Variants in LARP1 observed in about 807,000 individuals in gnomAD.
LARP1 encodes the protein La ribonucleoprotein 1, translational regulator, also known as la-related protein 1.
LARP1 carries 36 observed loss-of-function variants against 122.7 expected under a neutral mutation model. That is an observed-to-expected ratio of 0.29 (90% CI 0.22 to 0.39). The LOEUF (loss-of-function observed/expected upper bound fraction) is 0.39. Among genes scored for constraint, LARP1 ranks in the 10% least tolerant of loss-of-function variants. The pLI, the probability that LARP1 is intolerant of heterozygous loss-of-function variation, is 1.00. For synonymous variants in LARP1, 539 were observed against 528.7 expected, an observed-to-expected ratio of 1.02 and a Z score of -0.27; for missense variants, 1,040 against 1,403.6, an observed-to-expected ratio of 0.74 and a Z score of 4.14.
At chr5:154,813,689 C>T (rs1012664310) in intron 18 of LARP1, among the ~76,000 whole-genome samples, 198 bp from the exon 19 acceptor site, 5 of 152,162 alleles carry the variant, frequency 3.3e-5, no homozygotes, top group African/African-American at 9.7e-5. Flanking sequence ...GTGATGCTGA[C>T]CCCATGAGAG....
At chr5:154,757,883 C>G (rs1357024917) in intron 1 of LARP1, among the ~76,000 whole-genome samples, 1 of 99,436 alleles carries the variant, frequency 1.0e-5, no homozygotes, top group Non-Finnish European at 2.0e-5. Flanking sequence ...CTCCCCTTCC[C>G]CCTTCCTCCC....
intron 14 of LARP1, chr5:154,804,636 C>G (rs1192804329): frequency 1.0e-5 from 4 of 393,784 alleles, no homozygotes; most frequent in Admixed American, 7.1e-5. Context: ...TTCTGGCAGT[C>G]TCTCTGAGCC....
chr5:154,769,500 GA>G (rs759516055), intron 1 of LARP1, among the ~76,000 whole-genome samples: 16 of 152,214 alleles, frequency 1.1e-4, no homozygotes, highest in Admixed American at 3.3e-4. Context: ...CTTAGGGTAG[GA>G]GTTGCACTCA....
rs949086499 is a variant in LARP1 at position 154,803,182 on chromosome 5, C to T, written c.2110-108C>T. On this transcript the variant is annotated intron_variant, in intron 11 of 18. Coordinates refer to ENST00000518297, the MANE Select transcript of LARP1 (RefSeq NM_033551.3). This position sits in a 1 kb window ranked among gnomAD's most constrained non-coding sequence, Gnocchi z 4.4. ...CTGGGGACCAGAATTCCACGTATGT[C>T]GACGTGGGAGCTGCCCTCTCCAACT... The T allele has an allele frequency of 7.8e-6, 11 of 1,415,076 alleles. No homozygotes were observed. Among genetic ancestry groups the T allele is most frequent in the Admixed American group, 5.3e-5 (3 of 56,592 alleles). The allele number at this position is 1,415,076 out of a possible 1,614,324, so 87.7% of individuals were successfully genotyped here.
chr5:154,783,621 T>C (rs993531961), intron 1 of LARP1, among the ~76,000 whole-genome samples: 1 of 152,196 alleles, frequency 6.6e-6, no homozygotes, highest in Admixed American at 6.5e-5. Context: ...CTGGCTGTTA[T>C]CTTGGCAAAT....
upstream of LARP1, among the ~76,000 whole-genome samples, chr5:154,707,858 T>C (rs149964646): frequency 1.1e-3 from 174 of 152,284 alleles, no homozygotes; most frequent in Non-Finnish European, 2.1e-3. Flanking sequence ...CACAAGGATA[T>C]GCTGTTGGAA....
chr5:154,795,933 T>C (rs1379825022), intron 8 of LARP1, among the ~76,000 whole-genome samples: 1 of 120,868 alleles, frequency 8.3e-6, no homozygotes, highest in East Asian at 2.0e-4. Context: ...TATATTTATA[T>C]ATTATATATT....
At chr5:154,790,031 G>A (rs776671293) in intron 1 of LARP1, among the ~76,000 whole-genome samples, 3 of 152,196 alleles carry the variant, frequency 2.0e-5, no homozygotes, top group Non-Finnish European at 2.9e-5. Flanking sequence ...TCTCTGTTAC[G>A]GAACTGTACT....
At chr5:154,712,907 C>T in exon 1 of LARP1, 1 of 1,611,212 alleles carries the variant, frequency 6.2e-7, no homozygotes, top group Non-Finnish European at 8.5e-7. Flanking sequence ...ACATAGTGAC[C>T]CCAGGCCCTG....
chr5:154,756,471 C>T (rs1753917599), intron 1 of LARP1: 1 of 985,796 alleles, frequency 1.0e-6, no homozygotes. Context: ...CCTACCTCGT[C>T]GGCAGAGGGT....
At chr5:154,789,371 C>G (rs1455256716) in intron 1 of LARP1, among the ~76,000 whole-genome samples, 1 of 151,788 alleles carries the variant, frequency 6.6e-6, no homozygotes, top group South Asian at 2.1e-4. Context: ...GGGCGCCCAC[C>G]ACCACGCCCA....
intron 18 of LARP1, among the ~76,000 whole-genome samples, chr5:154,812,612 C>T (rs207466476): frequency 2.7e-5 from 4 of 150,196 alleles, no homozygotes; most frequent in South Asian, 2.1e-4. Flanking sequence ...CTCCGCCTCC[C>T]GGGTTTAAGT....
At chr5:154,685,834 A>G (rs546614687) in intron 1 of LARP1, 1 of 510,942 alleles carries the variant, frequency 2.0e-6, no homozygotes, top group East Asian at 5.6e-5. Context: ...AATTTTAGAG[A>G]CGGGGTCTTG....
intron 16 of LARP1, among the ~76,000 whole-genome samples, chr5:154,810,400 C>T (rs1316750768): frequency 6.6e-6 from 1 of 151,288 alleles, no homozygotes; most frequent in Non-Finnish European, 1.5e-5. Flanking sequence ...CGTGCCACTG[C>T]ACTCCAGCCT....
At chr5:154,699,987 A>G (rs1388264184) in intron 1 of LARP1, among the ~76,000 whole-genome samples, 1 of 152,096 alleles carries the variant, frequency 6.6e-6, no homozygotes, top group Non-Finnish European at 1.5e-5. Context: ...AACCCTTCCC[A>G]TTAGGGAATT....
chr5:154,798,347 A>G (rs1758055904), intron 8 of LARP1, among the ~76,000 whole-genome samples: 1 of 152,250 alleles, frequency 6.6e-6, no homozygotes, highest in African/African-American at 2.4e-5. Flanking sequence ...AAATGGAAAT[A>G]TACAACACAT....
chr5:154,741,425 A>C (rs1424985555), intron 1 of LARP1, among the ~76,000 whole-genome samples: 1 of 152,228 alleles, frequency 6.6e-6, no homozygotes, highest in Non-Finnish European at 1.5e-5. Flanking sequence ...TAGTGGAGGC[A>C]ATGGGCAAAA....
intron 1 of LARP1, among the ~76,000 whole-genome samples, chr5:154,703,178 C>T (rs1754801565): frequency 6.6e-6 from 1 of 150,844 alleles, no homozygotes; most frequent in Admixed American, 6.6e-5. Flanking sequence ...GCAGATGAGC[C>T]TGCTTTCCCT....
At chr5:154,789,678 G>A (rs1054419887) in intron 1 of LARP1, among the ~76,000 whole-genome samples, 5 of 152,158 alleles carry the variant, frequency 3.3e-5, no homozygotes, top group African/African-American at 1.2e-4. Flanking sequence ...TAATATTTTA[G>A]TAGGACATCT....
Sources: allele counts gnomAD v4.1 joint callset (sites outside exome capture counted in the v4.1 genomes callset), GRCh38; gene constraint gnomAD v4.1.1; non-coding constraint Gnocchi (gnomAD v3.1); transcripts MANE v1.5; gene names NCBI Gene and HGNC (gene_info 2026-07-23, HGNC 2026-07-21).